DDX6: variants seen among roughly 807,000 people sequenced by gnomAD.
DDX6 encodes the protein DEAD-box helicase 6.
Under a neutral mutation model 60.6 loss-of-function variants are expected in DDX6, and 7 were observed. The observed-to-expected ratio is 0.12, with a 90% CI of 0.07 to 0.22. The LOEUF is 0.22. Among genes scored for constraint, DDX6 ranks in the 10% least tolerant of loss-of-function variants. DDX6 has a pLI of 1.00. For missense variants in DDX6, 270 were observed against 589.9 expected, an observed-to-expected ratio of 0.46 and a Z score of 5.62; for synonymous variants, 207 against 201.0, an observed-to-expected ratio of 1.03 and a Z score of -0.25.
chr11:118,757,357 A>T (rs1352664887), intron 9 of DDX6, 70 bp from the exon 10 acceptor site: 3 of 765,712 alleles, frequency 3.9e-6, no homozygotes, highest in Non-Finnish European at 6.0e-6. Context: ...AATCTTGAAA[A>T]CACGAACCAG....
intron 13 of DDX6, among the ~76,000 whole-genome samples, chr11:118,753,633 C>T (rs912995611): frequency 7.2e-5 from 11 of 152,044 alleles, no homozygotes; most frequent in Middle Eastern, 3.4e-3. Flanking sequence ...CCACCGCACC[C>T]GGCCCAGAGT....
In DDX6 at chr11:118,752,022, A is replaced by C; in HGVS notation, c.*83T>G. On this transcript the variant is annotated 3_prime_UTR_variant, in exon 14 of 14. Coordinates refer to ENST00000534980, the MANE Select transcript of DDX6 (RefSeq NM_004397.6). The stretch of plus-strand genomic sequence containing the variant: ...ATAGTTCCAAAATAAAAGATGAAAA[A>C]CCCACAAAGAGAGGAGCATTCCCCC... The C allele has an allele frequency of 6.5e-6, 2 of 309,594 alleles. No individual in the cohort carries two copies. Among genetic ancestry groups the C allele is most frequent in the Non-Finnish European group, 1.3e-5 (2 of 156,830 alleles). 19.2% of individuals were successfully genotyped at this position (309,594 alleles called of 1,614,324 possible).
intron 11 of DDX6, among the ~76,000 whole-genome samples, 199 bp downstream of exon 11, chr11:118,756,061 A>G (rs1860966393): frequency 7.7e-6 from 1 of 129,412 alleles, no homozygotes; most frequent in Non-Finnish European, 1.6e-5. Flanking sequence ...TATGAGTGCC[A>G]GAGTAAGTCT....
intron 4 of DDX6, among the ~76,000 whole-genome samples, chr11:118,777,859 A>G (rs1861751105): frequency 7.3e-6 from 1 of 137,034 alleles, no homozygotes; most frequent in African/African-American, 2.6e-5. Context: ...ACTGCACTCC[A>G]GCCTCTCTGA....
chr11:118,769,285 C>T (rs1006403718), intron 4 of DDX6, among the ~76,000 whole-genome samples: 5 of 152,152 alleles, frequency 3.3e-5, no homozygotes, highest in African/African-American at 1.2e-4. Context: ...ACCTCAGGTC[C>T]TATTTGTCAT....
At chr11:118,786,678 C>T (rs753346803) in intron 1 of DDX6, 160 bp from the exon 2 acceptor site, 13 of 170,804 alleles carry the variant, frequency 7.6e-5, no homozygotes, top group Non-Finnish European at 1.5e-4. Flanking sequence ...ATAGACACAA[C>T]TTTGAACTAT....
rs781873721 is a variant in DDX6, at chr11:118,754,853, C to T, written c.1311G>A (p.Leu437=). The change falls in exon 13 of 14, where the codon TTG becomes TTA. Residue 437 remains leucine (L), a synonymous_variant. Transcript: ENST00000534980. ...GGTTGAAGCGATCATCATATGTGAT[C>T]AAGTTGATGGCTAAGCCAAGATGAC... is the stretch of plus-strand genomic sequence containing the variant. The part of the protein sequence containing the change: ...RFGHLGLAIN[L]ITYDDRFNLK... 1.2e-6 allele frequency: 2 copies of T among 1,611,228 alleles called. No homozygotes were observed. Among genetic ancestry groups the T allele is most frequent in the African/African-American group, 1.3e-5 (1 of 74,856 alleles).
At chr11:118,784,639 A>C (rs1244723075) in intron 2 of DDX6, among the ~76,000 whole-genome samples, 1 of 151,916 alleles carries the variant, frequency 6.6e-6, no homozygotes, top group Non-Finnish European at 1.5e-5. Flanking sequence ...TTGTATTTTT[A>C]GTAAAGACAG....
In DDX6 at chr11:118,749,221, A is replaced by G. The variant is rs1280272483; in HGVS notation, c.*2884T>C. 7 of 152,104 alleles carry G rather than the reference A, an allele frequency of 4.6e-5. No individual in the cohort carries two copies. Among genetic ancestry groups the G allele is most frequent in the African/African-American group, 1.7e-4 (7 of 41,404 alleles). 9.4% of individuals were successfully genotyped at this position (152,104 alleles called of 1,614,324 possible). A position where few individuals can be genotyped will look rare whatever the true frequency, so the allele number is the denominator to read the frequency against. On this transcript the variant is annotated 3_prime_UTR_variant, in exon 14 of 14. Coordinates refer to ENST00000534980, the MANE Select transcript of DDX6 (RefSeq NM_004397.6). ...GTTGGATGTAGTTTTAATATTAAAA[A>G]TAGAGGGTAGTTCTCATCCAAATGA...
At chr11:118,753,185 T>C (rs910093288) in intron 13 of DDX6, among the ~76,000 whole-genome samples, 5 of 151,962 alleles carry the variant, frequency 3.3e-5, no homozygotes, top group African/African-American at 9.7e-5. Flanking sequence ...CCCGCCACCA[T>C]GCCTGGCTAA....
At chr11:118,758,685 T>G (rs746517818) in intron 9 of DDX6, 89 bp downstream of exon 9, 41 of 1,505,786 alleles carry the variant, frequency 2.7e-5, no homozygotes, top group African/African-American at 6.9e-5. Context: ...CGAACTTTTA[T>G]ACAGTGAAGA....
intron 7 of DDX6, among the ~76,000 whole-genome samples, chr11:118,760,659 A>G (rs1861132969): frequency 6.6e-6 from 1 of 151,488 alleles, no homozygotes. Flanking sequence ...CATCTCTACT[A>G]AAAATACAAA....
At chr11:118,785,627 A>T (rs1175163481) in intron 2 of DDX6, among the ~76,000 whole-genome samples, 1 of 152,112 alleles carries the variant, frequency 6.6e-6, no homozygotes, top group African/African-American at 2.4e-5. Context: ...TAAAGACTCT[A>T]AAGACTCAGA....
chr11:118,756,154 G>T, intron 11 of DDX6, 106 bp downstream of exon 11: 1 of 771,994 alleles, frequency 1.3e-6, no homozygotes, highest in East Asian at 2.7e-5. Flanking sequence ...AGTAGTGGTA[G>T]GGTGTGTCGG....
chr11:118,779,526 G>A (rs925749602), intron 4 of DDX6, 106 bp downstream of exon 4: 7 of 682,402 alleles, frequency 1.0e-5, no homozygotes, highest in African/African-American at 1.8e-5. Context: ...GTGTGTATAC[G>A]TGAGAGAGAA....
At position 118,750,646 on chromosome 11, in the gene DDX6, C is replaced by A. The variant is rs2137386867; in HGVS notation, c.*1459G>T. On this transcript the variant is annotated 3_prime_UTR_variant, in exon 14 of 14. Coordinates refer to ENST00000534980, the MANE Select transcript of DDX6 (RefSeq NM_004397.6). ...TGCAAATCTGTGCTTTATATATATA[C>A]TGCTCAATGACACTGCCACTCAATA... is the stretch of plus-strand genomic sequence containing the variant. 6.6e-6 allele frequency: 1 copy of A among 152,240 alleles called. No homozygotes were observed. The highest frequency in any genetic ancestry group is 2.4e-5 in the African/African-American group (1 of 41,530). 9.4% of individuals were successfully genotyped at this position (152,240 alleles called of 1,614,324 possible). A position where few individuals can be genotyped will look rare whatever the true frequency, so the allele number is the denominator to read the frequency against.
rs1860640365 is a variant in DDX6 at position 118,748,611 on chromosome 11, T to G, written c.*3494A>C. ...ATTTCCAAGAACTTATTTCATTTTTTTGTTACTCATCTAGAAGGTCAGGAG... is the reference window on the plus strand; with the variant it reads ...ATTTCCAAGAACTTATTTCATTTTTGTGTTACTCATCTAGAAGGTCAGGAG... On this transcript the variant is annotated 3_prime_UTR_variant, in exon 14 of 14. Transcript: ENST00000534980. 6.6e-6 allele frequency: 1 copy of G among 152,190 alleles called. No homozygotes were observed. Among genetic ancestry groups the G allele is most frequent in the Non-Finnish European group, 1.5e-5 (1 of 68,022 alleles). 9.4% of individuals were successfully genotyped at this position (152,190 alleles called of 1,614,324 possible). A position where few individuals can be genotyped will look rare whatever the true frequency, so the allele number is the denominator to read the frequency against.
upstream of DDX6, chr11:118,791,634 T>C (rs1862279643): frequency 6.6e-6 from 1 of 151,972 alleles, no homozygotes; most frequent in Non-Finnish European, 1.5e-5. Context: ...CTTCTCCAGC[T>C]GGCCGGGGAG....
In DDX6 at chr11:118,773,699, C is replaced by T. The variant is rs1861609756; in HGVS notation, c.370-5347G>A. Among the ~76,000 whole-genome samples the T allele has an allele frequency of 1.3e-5, 2 of 151,628 alleles. 1 individual carries two copies. Among genetic ancestry groups the T allele is most frequent in the South Asian group, 4.2e-4 (2 of 4,804 alleles). ...GAGATGGTAATTTCTAATTATATCT[C>T]TAATTTAGGCTGGGGATGGTGGCTC... On this transcript the variant is annotated intron_variant, in intron 4 of 13. Transcript: ENST00000534980.
Sources: gnomAD v4.1 joint callset for allele counts (sites outside exome capture counted in the v4.1 genomes callset) on GRCh38, gnomAD v4.1.1 for gene constraint, MANE v1.5 for transcripts, NCBI Gene and HGNC (gene_info 2026-07-23, HGNC 2026-07-21) for gene names.